The following INTS6 variants were observed in gnomAD, a reference collection of about 807,000 sequenced individuals.
INTS6 encodes the protein integrator complex subunit 6.
A neutral mutation model predicts 104.9 loss-of-function variants in INTS6; 16 were observed. The observed-to-expected ratio is 0.15, with a 90% CI of 0.10 to 0.23. The LOEUF (loss-of-function observed/expected upper bound fraction) is 0.23, where lower values mean the gene tolerates loss of function less well. Ranked by LOEUF, INTS6 falls within the 10% of genes least tolerant of loss-of-function variation. INTS6 has a pLI of 1.00. For synonymous variants in INTS6, 324 were observed against 358.7 expected (o/e 0.90, Z 1.09); for missense variants, 584 against 1,062.8 (o/e 0.55, Z 6.26).
At chr13:51,392,211 CCTTCAAAAGG>C (rs1474733701) in intron 5 of INTS6, among the ~76,000 whole-genome samples, 20 of 152,320 alleles carry the variant, frequency 1.3e-4, no homozygotes, top group African/African-American at 4.8e-4. Flanking sequence ...CCGTAAAAAG[CCTTCAAAAGG>C]CTTCACATCA....
chr13:51,450,688 A>G (rs1365019908), intron 3 of INTS6: 15 of 1,001,758 alleles, frequency 1.5e-5, no homozygotes, highest in African/African-American at 1.7e-5. Context: ...CTAAGCCACT[A>G]TAATAGTTGC....
chr13:51,450,959 G>C, intron 3 of INTS6, 66 bp downstream of exon 3: 1 of 1,413,416 alleles, frequency 7.1e-7, no homozygotes, highest in Non-Finnish European at 9.3e-7. Context: ...TGTAGTTTTT[G>C]GACTGGACTG....
At chr13:51,396,153 G>A (rs945034211) in intron 4 of INTS6, among the ~76,000 whole-genome samples, 2 of 152,112 alleles carry the variant, frequency 1.3e-5, no homozygotes. Flanking sequence ...TTGGCCTCCT[G>A]TGTCCAGAGT....
At chr13:51,379,091 C>T (rs1161971099) in intron 11 of INTS6, among the ~76,000 whole-genome samples, 6 of 151,734 alleles carry the variant, frequency 4.0e-5, no homozygotes, top group Non-Finnish European at 5.9e-5. Flanking sequence ...TTCAAAGAAA[C>T]TCCCATTCTG....
At position 51,451,042 on chromosome 13, in the gene INTS6, T is replaced by C. The variant is rs771482046; in HGVS notation, c.322A>G (p.Ile108Val). The change falls in exon 3 of 18, where the codon ATA becomes GTA. Residue 108 changes from isoleucine (I) to valine (V), a missense_variant. Around this residue, in one of 5 missense-constraint regions of INTS6, gnomAD observed 70 missense variants for 190.3 expected, o/e 0.37. Transcript: ENST00000311234. ...LLNLNRLVTG[I>V]DNYGQGRNPF... is the part of the protein sequence containing the mutation. ...CAACCTACCTGCCCATAGTTGTCTATGCCAGTTACTAATCTATTTAAATTT... is the reference window on the plus strand; with the variant it reads ...CAACCTACCTGCCCATAGTTGTCTACGCCAGTTACTAATCTATTTAAATTT... 2 of 1,542,840 alleles carry C rather than the reference T, an allele frequency of 1.3e-6. No homozygotes were observed. Among genetic ancestry groups the C allele is most frequent in the East Asian group, 2.3e-5 (1 of 43,298 alleles).
At chr13:51,449,222 G>T (rs1952985283) in intron 3 of INTS6, 1 of 152,338 alleles carries the variant, frequency 6.6e-6, no homozygotes. Flanking sequence ...TGATTCATCA[G>T]AATAAGTGAG....
Position 51,364,363 on chromosome 13 carries a change from A to T in INTS6, c.*1389T>A, listed in dbSNP as rs952110343. ...TGCTATACCCTTGAAATTTAAAAAA[A>T]TGTCTGATAAAGTGTAAAAAGCTAA... On this transcript the variant is annotated 3_prime_UTR_variant, in exon 18 of 18. Transcript: ENST00000311234. 7.9e-6 allele frequency: 6 copies of T among 759,924 alleles called. No individual in the cohort carries two copies. In the Admixed American group the frequency reaches 1.2e-4, roughly 16 times the overall value. The allele number at this position is 759,924 out of a possible 1,614,324, so 47.1% of individuals were successfully genotyped here. A position where few individuals can be genotyped will look rare whatever the true frequency, so the allele number is the denominator to read the frequency against.
chr13:51,380,741 A>T (rs1277036114), intron 10 of INTS6, among the ~76,000 whole-genome samples: 1 of 152,236 alleles, frequency 6.6e-6, no homozygotes, highest in Non-Finnish European at 1.5e-5. Context: ...TTAAAAAGTT[A>T]TCTTTCACAA....
At chr13:51,366,377 TA>T (rs1955688729) in intron 17 of INTS6, among the ~76,000 whole-genome samples, 1 of 152,020 alleles carries the variant, frequency 6.6e-6, no homozygotes, top group Non-Finnish European at 1.5e-5. Context: ...TAGACATCTA[TA>T]ATACAGAGTA....
intron 4 of INTS6, among the ~76,000 whole-genome samples, chr13:51,415,536 T>C (rs1956771613): frequency 6.6e-6 from 1 of 152,072 alleles, no homozygotes; most frequent in African/African-American, 2.4e-5. Flanking sequence ...GAAGTTTCCC[T>C]GCACAAGCTC....
At chr13:51,378,646 A>C (rs1955982425) in intron 11 of INTS6, among the ~76,000 whole-genome samples, 192 bp from the exon 12 acceptor site, 1 of 152,070 alleles carries the variant, frequency 6.6e-6, no homozygotes, top group African/African-American at 2.4e-5. Context: ...TTATGATTTT[A>C]AATCATTACA....
chr13:51,405,462 C>T lies in INTS6; in HGVS notation c.430-9979G>A, dbSNP rs1358779579. 2.6e-5 allele frequency among the ~76,000 whole-genome samples: 4 copies of T among 152,168 alleles called. No individual in the cohort carries two copies. In the East Asian group the frequency reaches 7.7e-4, roughly 29 times the overall value. On this transcript the variant is annotated intron_variant, in intron 4 of 17. Transcript: ENST00000311234. ...TCGTTCCCCAGTCCTCTCAATGTAT[C>T]TGTCTTTTGGAGTTATACTTAGCCT...
the INTS6 span, among the ~76,000 whole-genome samples, chr13:51,345,551 C>T: frequency 7.4e-5 from 10 of 134,310 alleles, no homozygotes; most frequent in Non-Finnish European, 1.2e-4. Context: ...GCTGAGACTG[C>T]GTCACTGCAC....
intron 3 of INTS6, chr13:51,450,522 TA>T (rs147195182): frequency 0.037 from 36,838 of 985,388 alleles, 786 homozygotes; most frequent in East Asian, 0.1. Flanking sequence ...AAAGAAAACT[TA>T]AATGTTCTCA....
At chr13:51,376,771 C>T (rs1230523025) in intron 12 of INTS6, among the ~76,000 whole-genome samples, 1 of 152,102 alleles carries the variant, frequency 6.6e-6, no homozygotes, top group African/African-American at 2.4e-5. Flanking sequence ...GATTCATTGA[C>T]ATTATTCATG....
chr13:51,413,200 AG>A (rs1238721451), intron 4 of INTS6, among the ~76,000 whole-genome samples: 1 of 152,162 alleles, frequency 6.6e-6, no homozygotes, highest in African/African-American at 2.4e-5. Flanking sequence ...ATAAGAAAAA[AG>A]TTTTTTTTTT....
At chr13:51,395,008 T>C (rs1457347827) in intron 5 of INTS6, among the ~76,000 whole-genome samples, 3 of 152,192 alleles carry the variant, frequency 2.0e-5, no homozygotes, top group Non-Finnish European at 2.9e-5. Context: ...TTCTAAATCA[T>C]TGGCAATCTT....
intron 4 of INTS6, among the ~76,000 whole-genome samples, chr13:51,425,206 A>C (rs1956964005): frequency 6.6e-6 from 1 of 152,058 alleles, no homozygotes; most frequent in African/African-American, 2.4e-5. Flanking sequence ...AGCATGGTGG[A>C]CTTTTGCATC....
intron 10 of INTS6, among the ~76,000 whole-genome samples, chr13:51,380,764 A>G (rs1956032242): frequency 6.6e-6 from 1 of 152,232 alleles, no homozygotes. Context: ...TAAATCATGT[A>G]TTTAATAAAA....
Sources: allele counts gnomAD v4.1 joint callset (sites outside exome capture counted in the v4.1 genomes callset), GRCh38; gene constraint gnomAD v4.1.1; regional missense constraint gnomAD v4.1.1; transcripts MANE v1.5; gene names NCBI Gene and HGNC (gene_info 2026-07-23, HGNC 2026-07-21).